Variants in KAZN observed in about 807,000 individuals in gnomAD.
KAZN encodes the protein kazrin.
A neutral mutation model predicts 87.4 loss-of-function variants in KAZN; 40 were observed. The observed-to-expected ratio is 0.46, with a 90% CI of 0.36 to 0.60. The LOEUF (loss-of-function observed/expected upper bound fraction) is 0.60. Among genes scored for constraint, KAZN ranks in the 20% least tolerant of loss-of-function variants. The pLI, the probability that KAZN is intolerant of heterozygous loss-of-function variation, is 0.00. For missense variants in KAZN, 898 were observed against 1,073.9 expected (o/e 0.84, Z 2.29); for synonymous variants, 466 against 458.3 (o/e 1.02, Z -0.22).
At chr1:13,982,037 A>G (rs115863235) in intron 1 of KAZN, among the ~76,000 whole-genome samples, 163 of 152,080 alleles carry the variant, frequency 1.1e-3, no homozygotes, top group African/African-American at 3.6e-3. Flanking sequence ...GTTGATTCCC[A>G]CCCCTCAGAG....
intron 2 of KAZN, among the ~76,000 whole-genome samples, chr1:14,242,846 G>A (rs1354701835): frequency 1.3e-5 from 2 of 152,094 alleles, no homozygotes; most frequent in Admixed American, 1.3e-4. Flanking sequence ...GCCCAGTGTA[G>A]AATCCCGGCC....
At chr1:14,801,682 T>G (rs938917114) in intron 1 of KAZN, among the ~76,000 whole-genome samples, 1 of 141,664 alleles carries the variant, frequency 7.1e-6, no homozygotes, top group African/African-American at 2.7e-5. Flanking sequence ...TTTGTTTTTT[T>G]TGTTTTTTTG....
chr1:14,882,679 C>T (rs1289661450), intron 1 of KAZN, among the ~76,000 whole-genome samples: 1 of 152,176 alleles, frequency 6.6e-6, no homozygotes, highest in Admixed American at 6.5e-5. Flanking sequence ...CCTTCTTCTC[C>T]CTGCACGTGG....
intron 2 of KAZN, among the ~76,000 whole-genome samples, chr1:14,313,895 A>C (rs1025288195): frequency 5.3e-5 from 8 of 151,690 alleles, no homozygotes; most frequent in African/African-American, 2.0e-4. Context: ...GGGAATCATA[A>C]ATGTAGGAAA....
chr1:14,334,491 A>G (rs1011615895), intron 2 of KAZN, among the ~76,000 whole-genome samples: 4 of 151,906 alleles, frequency 2.6e-5, no homozygotes, highest in African/African-American at 9.7e-5. Flanking sequence ...TAGCCAGTTC[A>G]TAAAGGAGGC....
In KAZN at chr1:15,116,849, A is replaced by T. The variant is rs1309771351; in HGVS notation, c.*2214A>T. On this transcript the variant is annotated 3_prime_UTR_variant, in exon 15 of 15. Transcript: ENST00000376030. ...TCGATCTTGCTGGAGACAAGTGGACAATTGGGGGTCACTGGCAGAGACAGT... is the reference window on the plus strand; with the variant it reads ...TCGATCTTGCTGGAGACAAGTGGACTATTGGGGGTCACTGGCAGAGACAGT... 2 of 152,248 alleles carry T rather than the reference A, an allele frequency of 1.3e-5. No homozygotes were observed. The highest frequency in any genetic ancestry group is 2.9e-5 in the Non-Finnish European group (2 of 68,056). 9.4% of individuals were successfully genotyped at this position (152,248 alleles called of 1,614,324 possible). A position where few individuals can be genotyped will look rare whatever the true frequency, so the allele number is the denominator to read the frequency against.
chr1:14,202,859 A>G (rs1231055261), intron 2 of KAZN, among the ~76,000 whole-genome samples: 3 of 152,058 alleles, frequency 2.0e-5, no homozygotes, highest in African/African-American at 4.8e-5. Context: ...TCTACTAAAC[A>G]TATAAAAAGT....
At chr1:14,511,204 C>G (rs376636337) in intron 2 of KAZN, among the ~76,000 whole-genome samples, 1 of 152,234 alleles carries the variant, frequency 6.6e-6, no homozygotes, top group East Asian at 1.9e-4. Context: ...AGCTGAGACT[C>G]TAGATGTTTC....
chr1:14,419,770 T>TCG (rs1665227894), intron 2 of KAZN, among the ~76,000 whole-genome samples: 1 of 151,956 alleles, frequency 6.6e-6, no homozygotes, highest in South Asian at 2.1e-4. Context: ...CTGGTGTTGT[T>TCG]TGTCCCTCCC....
At chr1:15,025,285 T>C (rs1341462808) in intron 2 of KAZN, among the ~76,000 whole-genome samples, 12 of 152,202 alleles carry the variant, frequency 7.9e-5, no homozygotes, top group Admixed American at 4.6e-4. Context: ...TGTTTGGAGT[T>C]TTTTTGCCAC....
chr1:14,638,055 G>A (rs1217230441), intron 1 of KAZN, among the ~76,000 whole-genome samples: 1 of 152,114 alleles, frequency 6.6e-6, no homozygotes, highest in South Asian at 2.1e-4. Flanking sequence ...TTTACCTGGC[G>A]CTCTCCCCTA....
chr1:13,951,802 C>T (rs751984637), intron 1 of KAZN, among the ~76,000 whole-genome samples: 3 of 152,082 alleles, frequency 2.0e-5, no homozygotes, highest in Non-Finnish European at 2.9e-5. Context: ...GATGGATTCC[C>T]ACCCCCTTAC....
At chr1:13,966,910 A>G (rs752650475) in intron 1 of KAZN, among the ~76,000 whole-genome samples, 5 of 152,164 alleles carry the variant, frequency 3.3e-5, no homozygotes, top group South Asian at 2.1e-4. Context: ...AAAATTACAT[A>G]TATGGTTTAC....
At chr1:14,689,654 G>A (rs567918190) in intron 1 of KAZN, among the ~76,000 whole-genome samples, 30 of 152,316 alleles carry the variant, frequency 2.0e-4, no homozygotes, top group African/African-American at 7.2e-4. Flanking sequence ...GAGAAAAAAA[G>A]AAACAGGTGC....
chr1:14,714,833 C>T (rs1470692850), intron 1 of KAZN, among the ~76,000 whole-genome samples: 5 of 115,380 alleles, frequency 4.3e-5, no homozygotes, highest in Admixed American at 2.2e-4. Flanking sequence ...CTTGCTCTGT[C>T]GTTCAGGCTG....
intron 1 of KAZN, among the ~76,000 whole-genome samples, chr1:14,862,290 CCGTCGG>C (rs935858776): frequency 6.6e-6 from 1 of 152,036 alleles, no homozygotes; most frequent in Admixed American, 6.6e-5. Flanking sequence ...TTTTGGTTGC[CCGTCGG>C]CAGAAGGCCT....
chr1:14,736,254 G>GGGGTGTGTGTGT (rs780407996), intron 1 of KAZN, among the ~76,000 whole-genome samples: 23 of 115,300 alleles, frequency 2.0e-4, no homozygotes, highest in Non-Finnish European at 3.0e-4. Context: ...GGGACTCAAG[G>GGGGTGTGTGTGT]GTGTGTGTGT....
chr1:14,258,877 C>T (rs1053648719), intron 2 of KAZN, among the ~76,000 whole-genome samples: 2 of 152,110 alleles, frequency 1.3e-5, no homozygotes, highest in Non-Finnish European at 2.9e-5. Flanking sequence ...CTTGCTGTCT[C>T]CATGGTAAAT....
At chr1:14,372,695 C>T (rs1162901133) in intron 2 of KAZN, among the ~76,000 whole-genome samples, 2 of 152,172 alleles carry the variant, frequency 1.3e-5, no homozygotes, top group African/African-American at 4.8e-5. Flanking sequence ...TTTCTCAAAG[C>T]AAAGCTCACT....
Sources: gnomAD v4.1 joint callset for allele counts (sites outside exome capture counted in the v4.1 genomes callset) on GRCh38, gnomAD v4.1.1 for gene constraint, MANE v1.5 for transcripts, NCBI Gene and HGNC (gene_info 2026-07-23, HGNC 2026-07-21) for gene names.